Variants in CREBBP observed in about 807,000 individuals in gnomAD.
CREBBP encodes the protein CREB binding lysine acetyltransferase, also known as CREB-binding protein.
In CREBBP, 19 loss-of-function variants were observed where a neutral mutation model predicts 265.0. The ratio of observed to expected loss-of-function variants is 0.07; its 90% CI spans 0.05 to 0.11. The LOEUF (loss-of-function observed/expected upper bound fraction) is 0.11, where lower values mean the gene tolerates loss of function less well. Among genes scored for constraint, CREBBP ranks in the 10% least tolerant of loss-of-function variants. The probability of loss-of-function intolerance (pLI) is 1.00; values close to 1 mark genes in which losing one functional copy is unlikely to be tolerated. For missense variants in CREBBP, 2,525 were observed against 3,219.0 expected (o/e 0.78, Z 5.22); for synonymous variants, 1,457 against 1,223.7 (o/e 1.19, Z -3.98).
In CREBBP at chr16:3,775,492, G is replaced by A. The variant is rs193186454; in HGVS notation, c.2159-799C>T. On this transcript the variant is annotated intron_variant, in intron 11 of 30. Coordinates refer to ENST00000262367, the MANE Select transcript of CREBBP (RefSeq NM_004380.3). ...GACAGAACCCTTTAGAGAATTTCTGGAAGGTGCTGCCTTAGCGCTGCTGTA... is the reference window on the plus strand; with the variant it reads ...GACAGAACCCTTTAGAGAATTTCTGAAAGGTGCTGCCTTAGCGCTGCTGTA... 8.1e-4 allele frequency among the ~76,000 whole-genome samples: 123 copies of A among 152,286 alleles called. 2 individuals carry two copies. The South Asian group carries it at 0.012, about 15-fold the overall frequency.
At chr16:3,822,028 C>G (rs746437228) in intron 2 of CREBBP, among the ~76,000 whole-genome samples, 1 of 151,710 alleles carries the variant, frequency 6.6e-6, no homozygotes, top group Non-Finnish European at 1.5e-5. Flanking sequence ...GCACTCCAGC[C>G]TGGGTAACAC....
At chr16:3,794,396 A>ACAAACTGACATTGTAGCAATGTTTG (rs2053567896) in intron 3 of CREBBP, among the ~76,000 whole-genome samples, 1 of 150,860 alleles carries the variant, frequency 6.6e-6, no homozygotes, top group East Asian at 1.9e-4. Flanking sequence ...ATTGCAATGT[A>ACAAACTGACATTGTAGCAATGTTTG]CTACAAACAT....
intron 2 of CREBBP, among the ~76,000 whole-genome samples, chr16:3,831,734 C>T (rs1240589229): frequency 6.6e-6 from 1 of 152,136 alleles, no homozygotes; most frequent in Non-Finnish European, 1.5e-5. Context: ...TGGTGGCTCA[C>T]ACCTATAATC....
chr16:3,849,431 G>GA (rs2054752789), intron 2 of CREBBP, among the ~76,000 whole-genome samples: 4 of 14,480 alleles, frequency 2.8e-4, no homozygotes, highest in African/African-American at 5.2e-4. Context: ...GTGTGTGTGT[G>GA]TGTGTGTGTG....
intron 21 of CREBBP, 114 bp from the exon 22 acceptor site, chr16:3,745,468 C>T: frequency 1.1e-6 from 1 of 881,680 alleles, no homozygotes; most frequent in Non-Finnish European, 1.9e-6. Flanking sequence ...TTGAGTAGTG[C>T]TGACATTAAT....
At chr16:3,758,340 T>C (rs2052635067) in intron 17 of CREBBP, among the ~76,000 whole-genome samples, 1 of 152,236 alleles carries the variant, frequency 6.6e-6, no homozygotes, top group African/African-American at 2.4e-5. Context: ...AATAGATCTT[T>C]AATCCACTGA....
chr16:3,782,688 G>C lies in CREBBP; in HGVS notation c.1569C>G (p.Pro523=). 6.2e-7 allele frequency: 1 copy of C among 1,614,062 alleles called. No individual in the cohort carries two copies. The highest frequency in any genetic ancestry group is 8.5e-7 in the Non-Finnish European group (1 of 1,179,974). Reference sequence around the variant, plus strand: ...GTTGAGAGTTCCTTCACCTACCCAGGGGGTTGAGAGTCCTCATCTGCTGGT... The same window carrying C: ...GTTGAGAGTTCCTTCACCTACCCAGCGGGTTGAGAGTCCTCATCTGCTGGT... ...QTHQQMRTLN[P]LGNNPMNIPA... Residue 523 remains proline (P), a synonymous_variant, in exon 6 of 31, where the codon CCC becomes CCG. Coordinates refer to ENST00000262367, the MANE Select transcript of CREBBP (RefSeq NM_004380.3).
At chr16:3,848,171 GAAAAAAA>G (rs573387424) in intron 2 of CREBBP, among the ~76,000 whole-genome samples, 80 of 114,914 alleles carry the variant, frequency 7.0e-4, no homozygotes, top group Admixed American at 3.2e-3. Flanking sequence ...CTCCATCTCA[GAAAAAAA>G]AAAAAAAAAT....
At chr16:3,747,282 A>C (rs940979509) in intron 21 of CREBBP, among the ~76,000 whole-genome samples, 4 of 152,246 alleles carry the variant, frequency 2.6e-5, no homozygotes, top group African/African-American at 9.6e-5. Flanking sequence ...TCCTCAGCAC[A>C]TTATAGGATA....
intron 16 of CREBBP, among the ~76,000 whole-genome samples, chr16:3,760,976 C>T (rs920921914): frequency 1.2e-4 from 18 of 151,806 alleles, no homozygotes; most frequent in African/African-American, 3.1e-4. Context: ...TTTTTTGAGA[C>T]GGAGTTTCAC....
At chr16:3,734,883 A>C (rs1387618191) in intron 28 of CREBBP, among the ~76,000 whole-genome samples, 1 of 152,164 alleles carries the variant, frequency 6.6e-6, no homozygotes, top group Non-Finnish European at 1.5e-5. Context: ...CCAGAGTGGC[A>C]GTATGTCCCC....
In CREBBP at chr16:3,880,603, G is replaced by C. The variant is rs2055514696; in HGVS notation, c.-687C>G. Reference sequence around the variant, plus strand: ...GCCGGGCGGAGCGGGCCGGCCGGGCGGAGCGGGGTGCGCGGGCGGTTGTGG... The same window carrying C: ...GCCGGGCGGAGCGGGCCGGCCGGGCCGAGCGGGGTGCGCGGGCGGTTGTGG... On this transcript the variant is annotated 5_prime_UTR_variant, in exon 1 of 31. Transcript: ENST00000262367. 1 of 147,426 alleles carries C rather than the reference G, an allele frequency of 6.8e-6. No individual in the cohort carries two copies. Among genetic ancestry groups the C allele is most frequent in the South Asian group, 2.0e-4 (1 of 5,002 alleles). 9.1% of individuals were successfully genotyped at this position (147,426 alleles called of 1,614,324 possible). A position where few individuals can be genotyped will look rare whatever the true frequency, so the allele number is the denominator to read the frequency against.
At chr16:3,780,967 CT>C (rs2053260988) in intron 7 of CREBBP, 89 bp from the exon 8 acceptor site, 3 of 1,499,798 alleles carry the variant, frequency 2.0e-6, no homozygotes, top group East Asian at 2.3e-5. Context: ...CCACATGTGA[CT>C]TTTAAAAGTT....
At chr16:3,835,699 C>T (rs2054433496) in intron 2 of CREBBP, among the ~76,000 whole-genome samples, 2 of 151,358 alleles carry the variant, frequency 1.3e-5, no homozygotes, top group East Asian at 1.9e-4. Context: ...CCTGCCTCAG[C>T]CTCCCGAGTA....
At chr16:3,803,260 CGGGGAGGGGGGG>C (rs569765765) in intron 3 of CREBBP, among the ~76,000 whole-genome samples, 2,169 of 8,462 alleles carry the variant, frequency 0.26, 903 homozygotes, top group Non-Finnish European at 0.34. Flanking sequence ...AGGCTGACGG[CGGGGAGGGGGGG>C]GGGGGGGGTG....
intron 15 of CREBBP, among the ~76,000 whole-genome samples, chr16:3,768,136 GTTTTTT>G (rs71133655): frequency 5.6e-3 from 291 of 51,510 alleles, no homozygotes; most frequent in African/African-American, 0.018. Flanking sequence ...ATTTAAAAGT[GTTTTTT>G]TTTTTTTTTT....
intron 8 of CREBBP, among the ~76,000 whole-genome samples, chr16:3,779,933 G>T (rs191565406): frequency 1.3e-5 from 2 of 151,842 alleles, no homozygotes; most frequent in African/African-American, 4.8e-5. Context: ...GCAAGACTCC[G>T]TCTCTCTCTC....
At chr16:3,766,476 TG>T (rs2052855153) in intron 16 of CREBBP, among the ~76,000 whole-genome samples, 1 of 152,212 alleles carries the variant, frequency 6.6e-6, no homozygotes, top group African/African-American at 2.4e-5. Context: ...ATGTTTTCTA[TG>T]GGTGCCATGT....
rs1394414570 is a variant in CREBBP at position 3,880,048 on chromosome 16, AG to A, written c.-133del. ...GCCGCGAGCGGGCGGGCGGGCGCCG[AG>A]GGAGAGGGAGGGCGCAGGCCGGGTG... On this transcript the variant is annotated 5_prime_UTR_variant, in exon 1 of 31. Transcript: ENST00000262367. 1.1e-5 allele frequency: 6 copies of A among 565,400 alleles called. No homozygotes were observed. Among genetic ancestry groups the A allele is most frequent in the Non-Finnish European group, 1.5e-5 (6 of 391,326 alleles). The allele number at this position is 565,400 out of a possible 1,614,324, so 35.0% of individuals were successfully genotyped here. A position where few individuals can be genotyped will look rare whatever the true frequency, so the allele number is the denominator to read the frequency against.
Sources: gnomAD v4.1 joint callset for allele counts (sites outside exome capture counted in the v4.1 genomes callset) on GRCh38, gnomAD v4.1.1 for gene constraint, MANE v1.5 for transcripts, NCBI Gene and HGNC (gene_info 2026-07-23, HGNC 2026-07-21) for gene names.